Variants in TM9SF4 observed in about 807,000 individuals in gnomAD.
The protein encoded by TM9SF4 is dinucleotide oxidase disulfide thiol exchanger 3 superfamily member 4.
TM9SF4 carries 26 observed loss-of-function variants against 90.4 expected under a neutral mutation model. That is an observed-to-expected ratio of 0.29 (90% CI 0.21 to 0.40). The LOEUF is 0.40. Among genes scored for constraint, TM9SF4 ranks in the 10% least tolerant of loss-of-function variants. TM9SF4 has a pLI of 1.00. For synonymous variants in TM9SF4, 293 were observed against 315.4 expected (o/e 0.93, Z 0.75); for missense variants, 549 against 834.8 (o/e 0.66, Z 4.22).
At chr20:32,117,712 G>A (rs756205010) in intron 1 of TM9SF4, among the ~76,000 whole-genome samples, 11 of 148,692 alleles carry the variant, frequency 7.4e-5, no homozygotes, top group Non-Finnish European at 1.5e-4. Context: ...AACATTCCAG[G>A]TCACCTGTAT....
At chr20:32,146,983 T>A (rs1012127701) in intron 9 of TM9SF4, 128 bp downstream of exon 9, 117 of 168,760 alleles carry the variant, frequency 6.9e-4, no homozygotes, top group Non-Finnish European at 9.6e-4. Context: ...TTTAGTATAC[T>A]TTTTTTTTTT....
At position 32,145,536 on chromosome 20, in the gene TM9SF4, A is replaced by G. The variant is rs564762895; in HGVS notation, c.883+113A>G. On this transcript the variant is annotated intron_variant, in intron 8 of 17. Coordinates refer to ENST00000398022, the MANE Select transcript of TM9SF4 (RefSeq NM_014742.4). ...TGTTCTGAGGGTCAGGCGTAGGTCA[A>G]AAACAGACATCAGGGCTCTGCTAAG... The G allele has an allele frequency of 5.9e-6, 5 of 852,016 alleles. No individual in the cohort carries two copies. In the African/African-American group the frequency reaches 6.6e-5, roughly 11 times the overall value. The allele number at this position is 852,016 out of a possible 1,614,324, so 52.8% of individuals were successfully genotyped here.
chr20:32,163,122 T>G (rs1384768101), intron 17 of TM9SF4, among the ~76,000 whole-genome samples: 1 of 151,498 alleles, frequency 6.6e-6, no homozygotes, highest in East Asian at 1.9e-4. Flanking sequence ...GGTGCACGTC[T>G]GTAGTCCCAG....
At chr20:32,121,864 G>A (rs1600783185) in intron 1 of TM9SF4, among the ~76,000 whole-genome samples, 1 of 149,764 alleles carries the variant, frequency 6.7e-6, no homozygotes. Flanking sequence ...GGACGGGGCG[G>A]CTGGCCGGGC....
At position 32,165,285 on chromosome 20, in the gene TM9SF4, G is replaced by A. The variant is rs375069246; in HGVS notation, c.1780-10G>A. On this transcript the variant is annotated splice_polypyrimidine_tract_variant and intron_variant, in intron 17 of 17. Coordinates refer to ENST00000398022, the MANE Select transcript of TM9SF4 (RefSeq NM_014742.4). ...CATGCACCCTGTCTTCTTTCTGCTC[G>A]TGGCCGCAGCTGGACATCGTGGAGT... 1.3e-4 allele frequency: 211 copies of A among 1,613,864 alleles called. No homozygotes were observed. Among genetic ancestry groups the A allele is most frequent in the Non-Finnish European group, 1.4e-4 (163 of 1,179,942 alleles).
chr20:32,160,184 C>T (rs575076753), intron 16 of TM9SF4, 73 bp downstream of exon 16: 11 of 1,601,386 alleles, frequency 6.9e-6, no homozygotes, highest in East Asian at 4.5e-5. Context: ...TGAGGCTCTG[C>T]GGAGAGGCTG....
intron 3 of TM9SF4, among the ~76,000 whole-genome samples, chr20:32,141,218 A>AAG (rs1448582147): frequency 0.096 from 12,592 of 131,312 alleles, 786 homozygotes; most frequent in South Asian, 0.21. Flanking sequence ...CTCCATCTCA[A>AAG]AAAAAAAAAA....
rs74194241 is a variant in TM9SF4 at position 32,147,858 on chromosome 20, G to GAA, written c.954+1019_954+1020dup. 1.3e-3 allele frequency among the ~76,000 whole-genome samples: 166 copies of GAA among 124,692 alleles called. 1 individual carries two copies. Among genetic ancestry groups the GAA allele is most frequent in the Middle Eastern group, 4.6e-3 (1 of 218 alleles). 81.8% of individuals were successfully genotyped at this position (124,692 alleles called of 152,430 possible). A position where few individuals can be genotyped will look rare whatever the true frequency, so the allele number is the denominator to read the frequency against. On this transcript the variant is annotated intron_variant, in intron 9 of 17. Transcript: ENST00000398022. ...ACAAAGTAAGACTCTGTCTCCAAAG[G>GAA]AAAAAAAAAAAAAAAAACTAGAGGA...
chr20:32,133,162 T>C, intron 2 of TM9SF4, 36 bp downstream of exon 2: 1 of 1,597,388 alleles, frequency 6.3e-7, no homozygotes, highest in Non-Finnish European at 8.6e-7. Context: ...GCCTCTGTGC[T>C]AGGCAGTGTG....
At chr20:32,163,203 G>GCCA (rs1333307952) in intron 17 of TM9SF4, among the ~76,000 whole-genome samples, 5 of 135,872 alleles carry the variant, frequency 3.7e-5, no homozygotes, top group African/African-American at 1.4e-4. Context: ...CCAAGATCGT[G>GCCA]CCACTGCACT....
chr20:32,118,004 T>C (rs2046251907), intron 1 of TM9SF4, among the ~76,000 whole-genome samples: 1 of 152,208 alleles, frequency 6.6e-6, no homozygotes, highest in Admixed American at 6.5e-5. Context: ...TTTAAAGGAA[T>C]TTCCTAAGAA....
intron 3 of TM9SF4, chr20:32,136,988 C>A (rs1441753878): frequency 4.3e-6 from 2 of 469,714 alleles, no homozygotes; most frequent in Admixed American, 4.7e-5. Flanking sequence ...ACAAATTTAT[C>A]TACTGCCAGG....
At chr20:32,149,836 G>A in intron 10 of TM9SF4, 70 bp downstream of exon 10, 1 of 1,588,410 alleles carries the variant, frequency 6.3e-7, no homozygotes, top group South Asian at 1.1e-5. Flanking sequence ...GGAGAGAAGG[G>A]TGGGCTTCCC....
chr20:32,140,260 T>TC (rs1216602679), intron 3 of TM9SF4, among the ~76,000 whole-genome samples: 1 of 151,564 alleles, frequency 6.6e-6, no homozygotes, highest in African/African-American at 2.4e-5. Context: ...TGCTTGATAG[T>TC]CCCTAACTGC....
chr20:32,158,768 G>C (rs1042462782), intron 15 of TM9SF4, among the ~76,000 whole-genome samples: 22 of 152,092 alleles, frequency 1.4e-4, no homozygotes, highest in Non-Finnish European at 2.9e-4. Context: ...GGATCACAAG[G>C]TCAGGAGTTC....
Position 32,161,367 on chromosome 20 carries a change from T to TTA in TM9SF4, c.1779+2_1779+3insTA, listed in dbSNP as rs1265720129. The TTA allele has an allele frequency of 1.9e-6, 3 of 1,613,692 alleles. No homozygotes were observed. In the South Asian group the frequency reaches 3.3e-5, roughly 18 times the overall value. ...GCCATCTTTTATTTCGTTAACAAGG[T>TTA]ACTGCCCTCCTTGAGGAGGTCCTCT... On this transcript the variant is annotated splice_region_variant and intron_variant, in intron 17 of 17. Transcript: ENST00000398022.
At chr20:32,156,553 A>G (rs1373604499) in intron 13 of TM9SF4, among the ~76,000 whole-genome samples, 1 of 152,234 alleles carries the variant, frequency 6.6e-6, no homozygotes, top group Non-Finnish European at 1.5e-5. Flanking sequence ...TACAATGTAA[A>G]TGCTATGTAA....
At chr20:32,143,865 T>C (rs1224385687) in intron 6 of TM9SF4, among the ~76,000 whole-genome samples, 2 of 152,140 alleles carry the variant, frequency 1.3e-5, no homozygotes, top group African/African-American at 4.8e-5. Context: ...TACGTTTGCA[T>C]GTGTGACGCT....
chr20:32,110,329 T>G (rs1465868771), intron 1 of TM9SF4, among the ~76,000 whole-genome samples: 2 of 151,986 alleles, frequency 1.3e-5, no homozygotes, highest in Non-Finnish European at 2.9e-5. Flanking sequence ...CCCACCCCCA[T>G]CTTTCATCCC....
Sources: allele counts gnomAD v4.1 joint callset (sites outside exome capture counted in the v4.1 genomes callset), GRCh38; gene constraint gnomAD v4.1.1; transcripts MANE v1.5; gene names NCBI Gene and HGNC (gene_info 2026-07-23, HGNC 2026-07-21).